The following PACS2 variants were observed in gnomAD, a reference collection of about 807,000 sequenced individuals.
PACS2 encodes the protein phosphofurin acidic cluster sorting protein 2.
A neutral mutation model predicts 113.0 loss-of-function variants in PACS2; 36 were observed. That is an observed-to-expected ratio of 0.32 (90% CI 0.24 to 0.42). The LOEUF is 0.42. Ranked by LOEUF, PACS2 falls within the 10% of genes least tolerant of loss-of-function variation. The pLI, the probability that PACS2 is intolerant of heterozygous loss-of-function variation, is 1.00. For missense variants in PACS2, 1,015 were observed against 1,239.5 expected (o/e 0.82, Z 2.72); for synonymous variants, 589 against 536.1 (o/e 1.10, Z -1.36).
At position 105,376,824 on chromosome 14, in the gene PACS2, G is replaced by A. The variant is rs2080798584; in HGVS notation, c.858G>A (p.Leu286=). The A allele has an allele frequency of 6.2e-7, 1 of 1,613,272 alleles. No individual in the cohort carries two copies. The highest frequency in any genetic ancestry group is 8.5e-7 in the Non-Finnish European group (1 of 1,179,866). Residue 286 remains leucine, a synonymous_variant, in exon 9 of 25, where the codon CTG becomes CTA. Coordinates refer to ENST00000447393, the MANE Select transcript of PACS2 (RefSeq NM_001100913.3). This position sits in a 1 kb window ranked among gnomAD's most constrained non-coding sequence, Gnocchi z 4.7. Reference sequence around the variant, plus strand: ...ACATCCCCGAGGCAGAGGAGGACCTGGACCTCCTGTATGACACCCTGGACA... The same window carrying A: ...ACATCCCCGAGGCAGAGGAGGACCTAGACCTCCTGTATGACACCCTGGACA... ...AEHIPEAEED[L]DLLYDTLDME... is the part of the protein sequence containing the mutation.
At chr14:105,331,882 C>T (rs973810905) in intron 1 of PACS2, among the ~76,000 whole-genome samples, 1 of 152,242 alleles carries the variant, frequency 6.6e-6, no homozygotes, top group African/African-American at 2.4e-5. Context: ...TTGTCCCCCT[C>T]ATACTTGGTG....
chr14:105,363,419 A>G (rs2060808000), intron 4 of PACS2, among the ~76,000 whole-genome samples: 1 of 152,212 alleles, frequency 6.6e-6, no homozygotes, highest in Non-Finnish European at 1.5e-5. Flanking sequence ...CTTCTCCGTC[A>G]GCACTTGCCG....
rs1049712240 is a variant in PACS2, at chr14:105,348,656, G to T, written c.207+76G>T. On this transcript the variant is annotated intron_variant, in intron 2 of 24. Transcript: ENST00000447393. This position sits in a 1 kb window ranked among gnomAD's most constrained non-coding sequence, Gnocchi z 6.4. ...ATGTGCCTGGGAGACGAGTCAGGCG[G>T]TGCGCTACTGTGGGGCCTTGTGCCA... The T allele has an allele frequency of 3.7e-6, 4 of 1,067,684 alleles. No individual in the cohort carries two copies. The highest frequency in any genetic ancestry group is 5.8e-6 in the Non-Finnish European group (4 of 695,296). 66.1% of individuals were successfully genotyped at this position (1,067,684 alleles called of 1,614,324 possible). A position where few individuals can be genotyped will look rare whatever the true frequency, so the allele number is the denominator to read the frequency against.
chr14:105,364,695 C>CTTTTTTTTTT (rs1166883985), intron 4 of PACS2, among the ~76,000 whole-genome samples: 1 of 126,070 alleles, frequency 7.9e-6, no homozygotes, highest in African/African-American at 3.1e-5. Flanking sequence ...ATTTTCTTTT[C>CTTTTTTTTTT]TTTTTTTTTT....
intron 2 of PACS2, among the ~76,000 whole-genome samples, chr14:105,349,294 C>T (rs1026438624): frequency 7.9e-5 from 12 of 152,256 alleles, no homozygotes; most frequent in African/African-American, 1.2e-4. Flanking sequence ...CCCTAGCCGG[C>T]ACCACTCATG....
intron 4 of PACS2, among the ~76,000 whole-genome samples, chr14:105,363,644 A>T (rs2060815548): frequency 6.6e-6 from 1 of 152,152 alleles, no homozygotes; most frequent in African/African-American, 2.4e-5. Flanking sequence ...CCACACCGTC[A>T]CTGAGGCTGC....
At chr14:105,352,526 C>A (rs2060220929) in intron 3 of PACS2, 59 bp downstream of exon 3, 2 of 996,222 alleles carry the variant, frequency 2.0e-6, no homozygotes, top group African/African-American at 3.2e-5. Flanking sequence ...GAGACGGGCC[C>A]CCCTCATCAC....
At chr14:105,302,876 C>A (rs138387792) in intron 1 of PACS2, among the ~76,000 whole-genome samples, 2,187 of 152,294 alleles carry the variant, frequency 0.014, 28 homozygotes, top group South Asian at 0.055. Context: ...CCACTGCTCC[C>A]CGCCCTGTCC....
At chr14:105,390,189 G>A (rs1555414498) in intron 20 of PACS2, 186 bp downstream of exon 20, 10 of 661,018 alleles carry the variant, frequency 1.5e-5, no homozygotes, top group Admixed American at 6.6e-5. Context: ...GGGGTGTGGG[G>A]CCAGAGGTTG....
intron 1 of PACS2, among the ~76,000 whole-genome samples, chr14:105,335,409 CGTGGCTCTG>C (rs1566913403): frequency 5.9e-5 from 9 of 151,348 alleles, no homozygotes; most frequent in African/African-American, 1.9e-4. Flanking sequence ...CGGCGCCTGG[CGTGGCTCTG>C]ACGCTGTGGC....
chr14:105,384,096 A>G (rs2081089106), intron 16 of PACS2: 1 of 497,920 alleles, frequency 2.0e-6, no homozygotes, highest in East Asian at 3.6e-5. Flanking sequence ...GCACGGTCAC[A>G]TGTGCCCTGC....
At chr14:105,318,950 A>G (rs1045671546) in intron 1 of PACS2, among the ~76,000 whole-genome samples, 3 of 145,632 alleles carry the variant, frequency 2.1e-5, no homozygotes. Context: ...GTGAGCCACC[A>G]CGCCCTGCCT....
At position 105,392,602 on chromosome 14, in the gene PACS2, C is replaced by T; in HGVS notation, c.2256-17C>T. The stretch of plus-strand genomic sequence containing the variant: ...CCCAAAGATGCAGGTGTGAATGCCT[C>T]CCTCTGCCTTTCCCAGCCAGGGTGT... On this transcript the variant is annotated splice_polypyrimidine_tract_variant and intron_variant, in intron 22 of 24. Transcript: ENST00000447393. The T allele has an allele frequency of 6.3e-7, 1 of 1,583,574 alleles. No individual in the cohort carries two copies. The highest frequency in any genetic ancestry group is 8.6e-7 in the Non-Finnish European group (1 of 1,164,480).
chr14:105,323,206 T>G lies in PACS2; in HGVS notation c.119+8169T>G, dbSNP rs1289118353. On this transcript the variant is annotated intron_variant, in intron 1 of 24. Transcript: ENST00000447393. This position sits in a 1 kb window ranked among gnomAD's most constrained non-coding sequence, Gnocchi z 4.1. ...ATGATTTTCATGAGTCCCGGGAAGC[T>G]CTCAGCCACTTTTTCTTCTGCTGTT... Among the ~76,000 whole-genome samples the G allele has an allele frequency of 6.6e-6, 1 of 152,222 alleles. No homozygotes were observed. The highest frequency in any genetic ancestry group is 1.5e-5 in the Non-Finnish European group (1 of 68,034).
At position 105,323,857 on chromosome 14, in the gene PACS2, G is replaced by T. The variant is rs587651140; in HGVS notation, c.119+8820G>T. ...TGGGGCCAAGGGGCAGCAGGACGGT[G>T]CCCGTAGCCCTGGAGGCCTTGGGGA... On this transcript the variant is annotated intron_variant, in intron 1 of 24. Coordinates refer to ENST00000447393, the MANE Select transcript of PACS2 (RefSeq NM_001100913.3). This position sits in a 1 kb window ranked among gnomAD's most constrained non-coding sequence, Gnocchi z 4.1. Among the ~76,000 whole-genome samples, 1 of 152,358 alleles carries T rather than the reference G, an allele frequency of 6.6e-6. No homozygotes were observed. Among genetic ancestry groups the T allele is most frequent in the South Asian group, 2.1e-4 (1 of 4,830 alleles).
rs145076845 is a variant in PACS2, at chr14:105,391,647, G to C, written c.2136G>C (p.Ala712=). 6.2e-7 allele frequency: 1 copy of C among 1,610,066 alleles called. No individual in the cohort carries two copies. Among genetic ancestry groups the C allele is most frequent in the Non-Finnish European group, 8.5e-7 (1 of 1,179,426 alleles). The stretch of plus-strand genomic sequence containing the variant: ...TCCCCAAAGGCGACTCGGACGACGC[G>C]GCCCCCTCGGGCTCTGGCACGCTCT... ...SSATSGDSDD[A]APSGSGTLSS... The change falls in exon 22 of 25, where the codon GCG becomes GCC. Residue 712 remains alanine (A), a synonymous_variant. Coordinates refer to ENST00000447393, the MANE Select transcript of PACS2 (RefSeq NM_001100913.3).
At chr14:105,342,570 A>G (rs1484060157) in intron 1 of PACS2, among the ~76,000 whole-genome samples, 2 of 151,990 alleles carry the variant, frequency 1.3e-5, no homozygotes, top group Non-Finnish European at 2.9e-5. Flanking sequence ...CAGCCACAGT[A>G]GAGCTTCTTG....
At chr14:105,344,292 T>A (rs928996668) in intron 1 of PACS2, among the ~76,000 whole-genome samples, 14 of 151,660 alleles carry the variant, frequency 9.2e-5, no homozygotes, top group African/African-American at 3.2e-4. Context: ...ATTTAATTAA[T>A]TAATTGATTT....
In PACS2 at chr14:105,393,280, T is replaced by C; in HGVS notation, c.2541T>C (p.Ile847=). 1.9e-6 allele frequency: 3 copies of C among 1,612,752 alleles called. No individual in the cohort carries two copies. The highest frequency in any genetic ancestry group is 1.1e-5 in the South Asian group (1 of 91,076). Residue 847 remains isoleucine, a synonymous_variant, in exon 24 of 25, where the codon ATT becomes ATC. Transcript: ENST00000447393. ...ACGTGGAGTCTAAGAGCCAGTGCAT[T>C]GAGGGCATCAGCCGGCTCATCTGCA... ...DKDVESKSQC[I]EGISRLICTA... is the part of the protein sequence containing the mutation.
Sources: gnomAD v4.1 joint callset for allele counts (sites outside exome capture counted in the v4.1 genomes callset) on GRCh38, gnomAD v4.1.1 for gene constraint, Gnocchi (gnomAD v3.1) non-coding constraint, MANE v1.5 for transcripts, NCBI Gene and HGNC (gene_info 2026-07-23, HGNC 2026-07-21) for gene names.